UTRN: variants seen among roughly 807,000 people sequenced by gnomAD.
UTRN encodes the protein utrophin.
In UTRN, 283 loss-of-function variants were observed where a neutral mutation model predicts 463.9. The observed-to-expected ratio is 0.61, with a 90% CI of 0.55 to 0.67. The LOEUF is 0.67. Ranked by LOEUF, UTRN falls within the 30% of genes least tolerant of loss-of-function variation. The probability of loss-of-function intolerance (pLI) is 0.00; values close to 1 mark genes in which losing one functional copy is unlikely to be tolerated. For missense variants in UTRN, 3,922 were observed against 4,084.3 expected (o/e 0.96, Z 1.08); for synonymous variants, 1,442 against 1,431.5 (o/e 1.01, Z -0.17).
At chr6:144,795,701 C>T (rs1777151248) in intron 63 of UTRN, among the ~76,000 whole-genome samples, 1 of 152,088 alleles carries the variant, frequency 6.6e-6, no homozygotes, top group African/African-American at 2.4e-5. Flanking sequence ...ATCCTTTGCC[C>T]ACTTTTTGAT....
chr6:144,368,552 G>A (rs1280700106), intron 2 of UTRN, among the ~76,000 whole-genome samples: 4 of 152,010 alleles, frequency 2.6e-5, no homozygotes, highest in African/African-American at 4.8e-5. Context: ...TAGGCGGATT[G>A]CCTGAGATCA....
At chr6:144,470,929 G>T (rs890406989) in intron 23 of UTRN, among the ~76,000 whole-genome samples, 2 of 151,722 alleles carry the variant, frequency 1.3e-5, no homozygotes, top group African/African-American at 4.8e-5. Context: ...GGCAGGCTGA[G>T]GCAGGAGAAT....
chr6:144,669,956 GGT>G (rs35769043), intron 51 of UTRN, among the ~76,000 whole-genome samples: 75,124 of 147,760 alleles, frequency 0.51, 19,537 homozygotes, highest in Non-Finnish European at 0.58. Context: ...AGTATTCCAT[GGT>G]GTGTGTGTGT....
At chr6:144,441,551 T>G (rs745779232) in intron 13 of UTRN, among the ~76,000 whole-genome samples, 25 of 152,182 alleles carry the variant, frequency 1.6e-4, no homozygotes, top group Non-Finnish European at 3.2e-4. Flanking sequence ...CCTGGCTGCT[T>G]TCATGGGTCA....
chr6:144,531,387 A>G (rs965793768), intron 42 of UTRN, among the ~76,000 whole-genome samples, 185 bp downstream of exon 42: 10 of 152,252 alleles, frequency 6.6e-5, no homozygotes, highest in Non-Finnish European at 1.5e-4. Context: ...ACAATTTTCA[A>G]TCAGGATTTC....
At chr6:144,733,062 A>G (rs904408553) in intron 54 of UTRN, among the ~76,000 whole-genome samples, 4 of 152,204 alleles carry the variant, frequency 2.6e-5, no homozygotes, top group Admixed American at 1.3e-4. Flanking sequence ...ACATGCAGCA[A>G]TTAGGCATAT....
intron 54 of UTRN, among the ~76,000 whole-genome samples, chr6:144,745,782 C>T (rs1018746902): frequency 2.0e-5 from 3 of 151,996 alleles, no homozygotes; most frequent in South Asian, 2.1e-4. Context: ...TTAAGTTGTC[C>T]GTTCTGAAAT....
chr6:144,753,936 G>A (rs796445098), intron 56 of UTRN, among the ~76,000 whole-genome samples: 87 of 152,096 alleles, frequency 5.7e-4, no homozygotes, highest in African/African-American at 1.9e-3. Context: ...TAATATGCCT[G>A]TACAAACTGA....
At chr6:144,695,164 T>C (rs1026155766) in intron 52 of UTRN, among the ~76,000 whole-genome samples, 1 of 152,084 alleles carries the variant, frequency 6.6e-6, no homozygotes, top group African/African-American at 2.4e-5. Flanking sequence ...AAAAAGAAAA[T>C]GTCTGCTAAG....
intron 51 of UTRN, among the ~76,000 whole-genome samples, chr6:144,611,168 CCTTTCATAATAAAAACT>C (rs1226450606): frequency 2.0e-5 from 3 of 152,080 alleles, no homozygotes; most frequent in Middle Eastern, 6.3e-3. Context: ...AATTCAACAC[CCTTTCATAATAAAAACT>C]CTCAACATAT....
At chr6:144,426,194 G>A (rs1440062811) in intron 6 of UTRN, 93 bp from the exon 7 acceptor site, 44 of 1,455,386 alleles carry the variant, frequency 3.0e-5, no homozygotes, top group Non-Finnish European at 3.7e-5. Flanking sequence ...TGGTTAATTA[G>A]TGCAATATTG....
intron 19 of UTRN, among the ~76,000 whole-genome samples, chr6:144,455,128 TACAC>T (rs1299028218): frequency 6.6e-5 from 10 of 152,106 alleles, no homozygotes; most frequent in African/African-American, 2.4e-4. Context: ...TATATACACA[TACAC>T]ACAAAATATG....
At chr6:144,390,622 T>G (rs1781822872) in intron 2 of UTRN, among the ~76,000 whole-genome samples, 1 of 152,180 alleles carries the variant, frequency 6.6e-6, no homozygotes, top group Non-Finnish European at 1.5e-5. Context: ...CTGCATCATG[T>G]TTTTAGGACT....
At chr6:144,844,416 A>G (rs946787463) in intron 73 of UTRN, among the ~76,000 whole-genome samples, 4 of 152,124 alleles carry the variant, frequency 2.6e-5, no homozygotes, top group Middle Eastern at 3.4e-3. Context: ...CTACAGGCAC[A>G]TGCCACCACG....
At chr6:144,690,865 G>A in intron 52 of UTRN, among the ~76,000 whole-genome samples, 1 of 152,142 alleles carries the variant, frequency 6.6e-6, no homozygotes, top group East Asian at 1.9e-4. Context: ...ACACTCTGGG[G>A]ACTTACAATT....
At chr6:144,828,910 C>G in intron 69 of UTRN, 55 bp downstream of exon 69, 1 of 1,572,816 alleles carries the variant, frequency 6.4e-7, no homozygotes, top group Non-Finnish European at 8.7e-7. Context: ...TGTATTATGG[C>G]TGTCAGAAAC....
chr6:144,659,829 A>G (rs1228879045), intron 51 of UTRN: 2 of 145,342 alleles, frequency 1.4e-5, no homozygotes, highest in African/African-American at 2.6e-5. Context: ...TTTTTGCTGT[A>G]TGTAATTGAG....
chr6:144,291,976 A>T (rs1440445899), intron 2 of UTRN, 69 bp downstream of exon 2: 1 of 1,483,506 alleles, frequency 6.7e-7, no homozygotes, highest in East Asian at 2.4e-5. Context: ...TCTTGGATTG[A>T]TTTGCATTGT....
chr6:144,654,967 T>C (rs1356936229), intron 51 of UTRN, among the ~76,000 whole-genome samples: 1 of 151,178 alleles, frequency 6.6e-6, no homozygotes, highest in Non-Finnish European at 1.5e-5. Context: ...TTTGAATGTC[T>C]ATTGGAATCT....
Sources: gnomAD v4.1 joint callset for allele counts (sites outside exome capture counted in the v4.1 genomes callset) on GRCh38, gnomAD v4.1.1 for gene constraint, MANE v1.5 for transcripts, NCBI Gene and HGNC (gene_info 2026-07-23, HGNC 2026-07-21) for gene names.